COL5A2: variants seen among roughly 807,000 people sequenced by gnomAD.
COL5A2 encodes collagen type V alpha 2 chain.
A neutral mutation model predicts 208.2 loss-of-function variants in COL5A2; 23 were observed. The ratio of observed to expected loss-of-function variants is 0.11; its 90% CI spans 0.08 to 0.16. The LOEUF is 0.16. Among genes scored for constraint, COL5A2 ranks in the 10% least tolerant of loss-of-function variants. COL5A2 has a pLI of 1.00. For missense variants in COL5A2, 1,590 were observed against 1,956.4 expected (o/e 0.81, Z 3.53); for synonymous variants, 625 against 628.5 (o/e 0.99, Z 0.08).
At chr2:189,367,299 C>T in the COL5A2 span, among the ~76,000 whole-genome samples, 1 of 152,256 alleles carries the variant, frequency 6.6e-6, no homozygotes, top group East Asian at 1.9e-4. Flanking sequence ...AACCCCTCTG[C>T]CCCAGACAAA....
At chr2:189,252,571 T>C in the COL5A2 span, among the ~76,000 whole-genome samples, 4 of 151,740 alleles carry the variant, frequency 2.6e-5, no homozygotes, top group South Asian at 8.3e-4. Flanking sequence ...GTGAGAACAC[T>C]TGGACACAGG....
At chr2:189,199,851 C>G (rs1048816352) in intron 1 of COL5A2, among the ~76,000 whole-genome samples, 20 of 152,198 alleles carry the variant, frequency 1.3e-4, no homozygotes, top group African/African-American at 4.3e-4. Context: ...TATTCTCCAT[C>G]CTTCTTTGTA....
chr2:189,242,779 A>C, the COL5A2 span, among the ~76,000 whole-genome samples: 6 of 152,206 alleles, frequency 3.9e-5, no homozygotes, highest in African/African-American at 1.4e-4. Context: ...TGTGAGGAAT[A>C]AACAGGGGAT....
At chr2:189,423,270 G>A in the COL5A2 span, among the ~76,000 whole-genome samples, 2 of 151,644 alleles carry the variant, frequency 1.3e-5, no homozygotes, top group African/African-American at 4.9e-5. Flanking sequence ...TCAGCACTAA[G>A]TGCCTACATC....
chr2:189,338,635 T>A, the COL5A2 span, among the ~76,000 whole-genome samples: 1 of 150,988 alleles, frequency 6.6e-6, no homozygotes, highest in Non-Finnish European at 1.5e-5. Flanking sequence ...ACTATAAAGA[T>A]ATGGATATGA....
the COL5A2 span, among the ~76,000 whole-genome samples, chr2:189,297,812 C>T: frequency 6.6e-6 from 1 of 152,178 alleles, no homozygotes; most frequent in Non-Finnish European, 1.5e-5. Flanking sequence ...CAATGAAAGA[C>T]ATTTTCTCAA....
chr2:189,386,643 C>A, the COL5A2 span, among the ~76,000 whole-genome samples: 3 of 151,940 alleles, frequency 2.0e-5, no homozygotes, highest in Admixed American at 2.0e-4. Context: ...ACAAATAACC[C>A]CATTAAAAAG....
At chr2:189,076,809 G>A (rs772038580) in intron 16 of COL5A2, among the ~76,000 whole-genome samples, 3 of 152,102 alleles carry the variant, frequency 2.0e-5, no homozygotes, top group Non-Finnish European at 4.4e-5. Context: ...AGCTGGGCCC[G>A]GTGACTCATG....
rs557416335 is a variant in COL5A2, at chr2:189,049,373, C to T, written c.3121G>A (p.Gly1041Ser). 6.2e-7 allele frequency: 1 copy of T among 1,613,016 alleles called. No individual in the cohort carries two copies. The highest frequency in any genetic ancestry group is 1.3e-5 in the African/African-American group (1 of 75,034). Residue 1041 changes from glycine to serine, a missense_variant, in exon 44 of 54, where the codon GGT (glycine) becomes AGT (serine). Transcript: ENST00000374866. ...PGPVGPPGSNGPVGEPGPEGP... is the reference protein window; with the variant it reads ...PGPVGPPGSNSPVGEPGPEGP... Reference sequence around the variant, plus strand: ...TCTGGTCCAGGTTCCCCTACAGGACCATTGGAGCCTGGGGGCCCCACAGGT... The same window carrying T: ...TCTGGTCCAGGTTCCCCTACAGGACTATTGGAGCCTGGGGGCCCCACAGGT...
chr2:189,437,174 T>C, the COL5A2 span, among the ~76,000 whole-genome samples: 1,333 of 152,228 alleles, frequency 8.8e-3, 20 homozygotes, highest in African/African-American at 0.03. Flanking sequence ...AACAGAAATA[T>C]CACCTCCAGG....
intron 1 of COL5A2, among the ~76,000 whole-genome samples, chr2:189,191,149 A>AC (rs1167300219): frequency 4.6e-5 from 3 of 65,872 alleles, no homozygotes; most frequent in Non-Finnish European, 1.6e-4. Flanking sequence ...ATAAAAAAAA[A>AC]AACAAAAAAC....
chr2:189,104,343 T>C, intron 2 of COL5A2, 66 bp from the exon 3 acceptor site: 3 of 1,080,770 alleles, frequency 2.8e-6, no homozygotes, highest in Non-Finnish European at 4.3e-6. Context: ...CTGCTAAATA[T>C]TTACTTTCAA....
the COL5A2 span, among the ~76,000 whole-genome samples, chr2:189,308,792 C>T: frequency 6.6e-6 from 1 of 152,084 alleles, no homozygotes; most frequent in African/African-American, 2.4e-5. Context: ...TCAAGTTGTC[C>T]TACCTTTCTG....
chr2:189,258,352 T>C, the COL5A2 span, among the ~76,000 whole-genome samples: 1 of 152,168 alleles, frequency 6.6e-6, no homozygotes, highest in Non-Finnish European at 1.5e-5. Context: ...ACTAAAACAT[T>C]GCAGCTGACA....
At chr2:189,065,118 T>C (rs1192984283) in intron 23 of COL5A2, 61 bp from the exon 24 acceptor site, 5 of 1,459,364 alleles carry the variant, frequency 3.4e-6, no homozygotes, top group Non-Finnish European at 4.8e-6. Context: ...ATGTAATGAA[T>C]AGGTGATTTT....
chr2:189,352,134 C>T, the COL5A2 span, among the ~76,000 whole-genome samples: 1 of 152,154 alleles, frequency 6.6e-6, no homozygotes, highest in Non-Finnish European at 1.5e-5. Context: ...ATGAAGTCAT[C>T]CTTTTTTCAG....
chr2:189,084,278 G>T (rs188536021), intron 11 of COL5A2, among the ~76,000 whole-genome samples: 1 of 152,132 alleles, frequency 6.6e-6, no homozygotes, highest in East Asian at 1.9e-4. Context: ...ATAAATTGTT[G>T]AAAATTTTCT....
the COL5A2 span, among the ~76,000 whole-genome samples, chr2:189,317,686 A>G: frequency 1.3e-5 from 2 of 152,196 alleles, no homozygotes; most frequent in Non-Finnish European, 2.9e-5. Flanking sequence ...TGAAATAGGG[A>G]AAAATGTATA....
the COL5A2 span, chr2:189,311,333 T>A: frequency 1.3e-5 from 13 of 1,037,660 alleles, no homozygotes; most frequent in African/African-American, 3.1e-5. Context: ...GGTGGTGGTG[T>A]TTTGGATGGT....
Sources: allele counts gnomAD v4.1 joint callset (sites outside exome capture counted in the v4.1 genomes callset), GRCh38; gene constraint gnomAD v4.1.1; transcripts MANE v1.5; gene names NCBI Gene and HGNC (gene_info 2026-07-23, HGNC 2026-07-21).